NBAS: variants seen among roughly 807,000 people sequenced by gnomAD.
NBAS encodes the protein NAG/BC035112 fusion.
Under a neutral mutation model 302.5 loss-of-function variants are expected in NBAS, and 219 were observed. The ratio of observed to expected loss-of-function variants is 0.72; its 90% CI spans 0.65 to 0.81. The LOEUF (loss-of-function observed/expected upper bound fraction) is 0.81, where lower values mean the gene tolerates loss of function less well. NBAS is among the 30% of genes least tolerant of loss of function. The pLI, the probability that NBAS is intolerant of heterozygous loss-of-function variation, is 0.00. For synonymous variants in NBAS, 1,118 were observed against 1,021.6 expected (o/e 1.09, Z -1.80); for missense variants, 2,932 against 2,841.6 (o/e 1.03, Z -0.72).
At chr2:15,368,011 AATAC>A (rs1222755992) in intron 31 of NBAS, among the ~76,000 whole-genome samples, 2 of 152,178 alleles carry the variant, frequency 1.3e-5, no homozygotes, top group East Asian at 1.9e-4. Context: ...TACATGTACA[AATAC>A]ATACACATAT....
chr2:15,362,215 C>T (rs150847831), intron 32 of NBAS, among the ~76,000 whole-genome samples: 1,835 of 151,462 alleles, frequency 0.012, 30 homozygotes, highest in South Asian at 0.051. Context: ...CGGTGGCTCA[C>T]GCCTGTAATC....
chr2:15,156,077 T>C, the NBAS span, among the ~76,000 whole-genome samples: 1 of 152,212 alleles, frequency 6.6e-6, no homozygotes, highest in African/African-American at 2.4e-5. Context: ...AAAGCAACCA[T>C]TTCCTGCCCA....
the NBAS span, among the ~76,000 whole-genome samples, chr2:14,981,517 A>G: frequency 3.9e-5 from 6 of 152,230 alleles, no homozygotes; most frequent in African/African-American, 1.4e-4. Flanking sequence ...ATTCGTCAGA[A>G]ATTATAATCT....
At chr2:14,956,937 G>C in the NBAS span, among the ~76,000 whole-genome samples, 1 of 152,198 alleles carries the variant, frequency 6.6e-6, no homozygotes, top group Non-Finnish European at 1.5e-5. Flanking sequence ...CTTATTTGCA[G>C]ATAGGATCTT....
chr2:15,313,226 C>T (rs1398427754), intron 38 of NBAS, among the ~76,000 whole-genome samples: 1 of 152,182 alleles, frequency 6.6e-6, no homozygotes, highest in Non-Finnish European at 1.5e-5. Context: ...AACTCTCTGC[C>T]TGTGCTCATG....
intron 41 of NBAS, among the ~76,000 whole-genome samples, chr2:15,291,683 G>C (rs1459031650): frequency 6.6e-6 from 1 of 152,118 alleles, no homozygotes; most frequent in Non-Finnish European, 1.5e-5. Context: ...GCTGGTTTCT[G>C]GTTCTCTAGA....
chr2:15,096,988 C>T, the NBAS span, among the ~76,000 whole-genome samples: 120 of 152,146 alleles, frequency 7.9e-4, no homozygotes, highest in Non-Finnish European at 1.2e-3. Context: ...CCAAGAGACA[C>T]CAAAAGAGAA....
At chr2:14,830,422 C>T in the NBAS span, among the ~76,000 whole-genome samples, 3 of 152,142 alleles carry the variant, frequency 2.0e-5, no homozygotes, top group African/African-American at 7.2e-5. Flanking sequence ...GTTGGAGATA[C>T]ATTTGCCCTC....
At chr2:15,073,485 A>AT in the NBAS span, among the ~76,000 whole-genome samples, 10 of 142,024 alleles carry the variant, frequency 7.0e-5, no homozygotes, top group Non-Finnish European at 1.5e-5. Flanking sequence ...TCAAAAAAAA[A>AT]AAAAAATAAA....
chr2:15,066,506 C>A, the NBAS span, among the ~76,000 whole-genome samples: 1 of 152,024 alleles, frequency 6.6e-6, no homozygotes, highest in Non-Finnish European at 1.5e-5. Flanking sequence ...TCATATGACG[C>A]AAGAGCAAGA....
intron 36 of NBAS, among the ~76,000 whole-genome samples, chr2:15,328,670 A>T (rs1672186694): frequency 6.6e-6 from 1 of 152,240 alleles, no homozygotes; most frequent in African/African-American, 2.4e-5. Context: ...CGAAAACGTC[A>T]TCTTGTCTGT....
intron 10 of NBAS, among the ~76,000 whole-genome samples, chr2:15,504,739 C>G (rs148265863): frequency 1.3e-5 from 2 of 152,108 alleles, no homozygotes; most frequent in Admixed American, 1.3e-4. Flanking sequence ...TGTAGGGAAT[C>G]TGGAACCCTC....
chr2:14,838,191 T>C, the NBAS span, among the ~76,000 whole-genome samples: 77,019 of 151,694 alleles, frequency 0.51, 20,284 homozygotes, highest in African/African-American at 0.65. Context: ...TGTTCAGTCT[T>C]TTCTAAGACT....
chr2:15,456,834 G>C (rs559397436), intron 21 of NBAS, among the ~76,000 whole-genome samples: 10 of 152,264 alleles, frequency 6.6e-5, no homozygotes, highest in African/African-American at 1.9e-4. Context: ...TTTTAAATAG[G>C]AAGGCCAAGG....
chr2:15,507,864 T>C (rs2148642614), intron 10 of NBAS, among the ~76,000 whole-genome samples: 1 of 151,646 alleles, frequency 6.6e-6, no homozygotes, highest in Admixed American at 6.6e-5. Flanking sequence ...ATTTGGAAAC[T>C]TGGGTCAATA....
intron 7 of NBAS, 81 bp downstream of exon 7, chr2:15,539,142 C>A: frequency 6.4e-7 from 1 of 1,559,980 alleles, no homozygotes; most frequent in Non-Finnish European, 8.8e-7. Flanking sequence ...TATTATCCCC[C>A]CCTTCACACT....
At chr2:14,938,761 G>T in the NBAS span, among the ~76,000 whole-genome samples, 6 of 152,138 alleles carry the variant, frequency 3.9e-5, no homozygotes, top group Non-Finnish European at 4.4e-5. Flanking sequence ...CGTTAACAAA[G>T]AAATTAAGGG....
chr2:14,997,235 G>C, the NBAS span, among the ~76,000 whole-genome samples: 1 of 152,152 alleles, frequency 6.6e-6, no homozygotes, highest in African/African-American at 2.4e-5. Flanking sequence ...ATCCCTGGGT[G>C]ATGAAATAAT....
chr2:14,903,482 A>G, the NBAS span, among the ~76,000 whole-genome samples: 3 of 152,206 alleles, frequency 2.0e-5, no homozygotes, highest in African/African-American at 7.2e-5. Context: ...CTGGCCCAGC[A>G]CTTCAGGAAA....
Sources: gnomAD v4.1 joint callset for allele counts (sites outside exome capture counted in the v4.1 genomes callset) on GRCh38, gnomAD v4.1.1 for gene constraint, MANE v1.5 for transcripts, NCBI Gene and HGNC (gene_info 2026-07-23, HGNC 2026-07-21) for gene names.